NINJ2: variants seen among roughly 807,000 people sequenced by gnomAD.
The protein encoded by NINJ2 is ninjurin 2.
NINJ2 carries 12 observed loss-of-function variants against 11.7 expected under a neutral mutation model. The ratio of observed to expected loss-of-function variants is 1.02; its 90% CI spans 0.66 to 1.66. The LOEUF (loss-of-function observed/expected upper bound fraction) is 1.66, where lower values mean the gene tolerates loss of function less well. NINJ2 is among the 40% of genes most tolerant of loss of function. NINJ2 has a pLI of 0.00. For missense variants in NINJ2, 187 were observed against 181.8 expected (o/e 1.03, Z -0.16); for synonymous variants, 93 against 76.8 (o/e 1.21, Z -1.10).
chr12:579,326 A>G (rs1243717722), intron 1 of NINJ2, among the ~76,000 whole-genome samples: 2 of 151,934 alleles, frequency 1.3e-5, no homozygotes, highest in African/African-American at 4.8e-5. Flanking sequence ...ACTGAGTTCA[A>G]TGCAACAAAC....
At chr12:656,548 A>G (rs1592120491) in intron 1 of NINJ2, among the ~76,000 whole-genome samples, 2 of 151,994 alleles carry the variant, frequency 1.3e-5, no homozygotes, top group Admixed American at 1.3e-4. Flanking sequence ...CAGGAGTTCG[A>G]GACCAGCCTG....
At chr12:599,590 G>A (rs921635949) in intron 1 of NINJ2, among the ~76,000 whole-genome samples, 6 of 152,142 alleles carry the variant, frequency 3.9e-5, no homozygotes, top group Admixed American at 2.6e-4. Context: ...CCCATTTACT[G>A]GTGAGAAAAC....
At chr12:611,811 C>A (rs1348741611) in intron 1 of NINJ2, among the ~76,000 whole-genome samples, 3 of 152,220 alleles carry the variant, frequency 2.0e-5, no homozygotes, top group Non-Finnish European at 4.4e-5. Flanking sequence ...AGAAAAACTT[C>A]CATGAGTTTC....
At chr12:617,247 C>A (rs1161249056) in intron 1 of NINJ2, among the ~76,000 whole-genome samples, 1 of 152,098 alleles carries the variant, frequency 6.6e-6, no homozygotes, top group Non-Finnish European at 1.5e-5. Flanking sequence ...GCCCTAGGTC[C>A]CTAATCTAAG....
At position 617,022 on chromosome 12, in the gene NINJ2, A is replaced by G. The variant is rs145325626; in HGVS notation, c.33+46306T>C. On this transcript the variant is annotated intron_variant, in intron 1 of 3. Transcript: ENST00000305108. ...AGAGTTCAAGACCAGCCTGGCCAAC[A>G]TGGTGAAACCCCGTCTCTACTAAAA... Among the ~76,000 whole-genome samples the G allele has an allele frequency of 9.2e-5, 14 of 152,316 alleles. No individual in the cohort carries two copies. In the East Asian group the frequency reaches 2.7e-3, roughly 29 times the overall value.
rs555472660 is a variant in NINJ2 at position 595,172 on chromosome 12, C to G, written c.34-28994G>C. ...AAAAGAATCTAGACACAGACCTACA[C>G]GCTTCGCAAAAGTTAACTCAAAATG... On this transcript the variant is annotated intron_variant, in intron 1 of 3. Coordinates refer to ENST00000305108, the MANE Select transcript of NINJ2 (RefSeq NM_016533.6). Among the ~76,000 whole-genome samples, 134 of 151,966 alleles carry G rather than the reference C, an allele frequency of 8.8e-4. 2 individuals carry two copies. Among genetic ancestry groups the G allele is most frequent in the Middle Eastern group, 6.8e-3 (2 of 294 alleles).
At chr12:604,021 C>T (rs779112391) in intron 1 of NINJ2, among the ~76,000 whole-genome samples, 9 of 152,298 alleles carry the variant, frequency 5.9e-5, no homozygotes, top group East Asian at 5.8e-4. Context: ...TCTGTCCTTA[C>T]GCCAGCATCA....
chr12:657,988 CTTTTTTT>C (rs1164230214), intron 1 of NINJ2, among the ~76,000 whole-genome samples: 2 of 54,398 alleles, frequency 3.7e-5, no homozygotes, highest in African/African-American at 7.4e-5. Context: ...CCTACACAGG[CTTTTTTT>C]TTTTTTTTTT....
intron 1 of NINJ2, among the ~76,000 whole-genome samples, chr12:612,268 G>A (rs1355912834): frequency 3.3e-5 from 5 of 152,168 alleles, no homozygotes; most frequent in Non-Finnish European, 5.9e-5. Context: ...ATTATTTGGC[G>A]TCTTGCGTCA....
chr12:631,605 G>A (rs4980954), intron 1 of NINJ2, among the ~76,000 whole-genome samples: 47,813 of 151,930 alleles, frequency 0.31, 7,599 homozygotes, highest in Non-Finnish European at 0.34. Flanking sequence ...CTCGTGATCC[G>A]CCTGCCTCGG....
chr12:601,317 C>T (rs544626016), intron 1 of NINJ2, among the ~76,000 whole-genome samples: 31 of 151,878 alleles, frequency 2.0e-4, no homozygotes, highest in East Asian at 5.8e-4. Flanking sequence ...GAGGCTGAGG[C>T]GGGCGGATCA....
chr12:573,758 G>A (rs757306936), intron 1 of NINJ2, among the ~76,000 whole-genome samples: 5 of 152,142 alleles, frequency 3.3e-5, no homozygotes, highest in Non-Finnish European at 7.4e-5. Flanking sequence ...ATCTGCAGTG[G>A]GGCTGTGTCC....
At position 609,770 on chromosome 12, in the gene NINJ2, C is replaced by CAAAAAAAAAAAAAAAA. The variant is rs1185755822; in HGVS notation, c.34-43608_34-43593dup. 2.9e-3 allele frequency among the ~76,000 whole-genome samples: 255 copies of CAAAAAAAAAAAAAAAA among 88,630 alleles called. 2 individuals are homozygous for CAAAAAAAAAAAAAAAA. Among genetic ancestry groups the CAAAAAAAAAAAAAAAA allele is most frequent in the Non-Finnish European group, 3.9e-3 (187 of 47,722 alleles). The allele number at this position is 88,630 out of a possible 152,430, so 58.1% of individuals were successfully genotyped here. A position where few individuals can be genotyped will look rare whatever the true frequency, so the allele number is the denominator to read the frequency against. ...TGGGCAACAGAGTGAGACTCTGCCT[C>CAAAAAAAAAAAAAAAA]AAAAAAAAAAAAAAAAATAGGGAAA... On this transcript the variant is annotated intron_variant, in intron 1 of 3. Coordinates refer to ENST00000305108, the MANE Select transcript of NINJ2 (RefSeq NM_016533.6).
At chr12:605,497 C>G (rs1318781726) in intron 1 of NINJ2, among the ~76,000 whole-genome samples, 2 of 152,336 alleles carry the variant, frequency 1.3e-5, no homozygotes, top group South Asian at 2.1e-4. Flanking sequence ...GAGTTCGAAG[C>G]TGCAGTGAGC....
intron 1 of NINJ2, among the ~76,000 whole-genome samples, chr12:647,459 A>G (rs539168440): frequency 0.027 from 2,938 of 109,364 alleles, 54 homozygotes; most frequent in African/African-American, 0.053. Flanking sequence ...GTGGTGCCCC[A>G]CACTGAAACA....
At chr12:645,978 G>A (rs1384457459) in intron 1 of NINJ2, 1 of 152,170 alleles carries the variant, frequency 6.6e-6, no homozygotes, top group Non-Finnish European at 1.5e-5. Context: ...GACTTCTTAT[G>A]GGAGGAGGAA....
At position 585,553 on chromosome 12, in the gene NINJ2, C is replaced by CGGTTGGAGGGAAGGGAAGGGAAT. The variant is rs1947625243; in HGVS notation, c.34-19376_34-19375insATTCCCTTCCCTTCCCTCCAACC. Reference sequence around the variant, plus strand: ...AACGGTTGGAGGGAAGGGAAGGGAACGGTTGGAGGGAAGGGAGGCTGAGCA... The same window carrying CGGTTGGAGGGAAGGGAAGGGAAT: ...AACGGTTGGAGGGAAGGGAAGGGAACGGTTGGAGGGAAGGGAAGGGAATGGTTGGAGGGAAGGGAGGCTGAGCA... On this transcript the variant is annotated intron_variant, in intron 1 of 3. Coordinates refer to ENST00000305108, the MANE Select transcript of NINJ2 (RefSeq NM_016533.6). The surrounding 1 kb of genome is among the most constrained non-coding windows in gnomAD (Gnocchi z 4.1). 9.6e-5 allele frequency among the ~76,000 whole-genome samples: 5 copies of CGGTTGGAGGGAAGGGAAGGGAAT among 52,080 alleles called. No individual in the cohort carries two copies. The highest frequency in any genetic ancestry group is 4.3e-4 in the African/African-American group (5 of 11,740). The allele number at this position is 52,080 out of a possible 152,430, so 34.2% of individuals were successfully genotyped here. A position where few individuals can be genotyped will look rare whatever the true frequency, so the allele number is the denominator to read the frequency against.
At chr12:595,731 C>A (rs1947776454) in intron 1 of NINJ2, among the ~76,000 whole-genome samples, 1 of 151,486 alleles carries the variant, frequency 6.6e-6, no homozygotes, top group Admixed American at 6.6e-5. Flanking sequence ...CCAGCCTGGG[C>A]AACAAGAGTT....
intron 1 of NINJ2, among the ~76,000 whole-genome samples, chr12:653,420 CAT>C (rs1426570905): frequency 3.3e-5 from 5 of 151,980 alleles, no homozygotes; most frequent in Admixed American, 2.0e-4. Flanking sequence ...GATGTATACA[CAT>C]ATATATGTAT....
Sources: allele counts gnomAD v4.1 joint callset (sites outside exome capture counted in the v4.1 genomes callset), GRCh38; gene constraint gnomAD v4.1.1; non-coding constraint Gnocchi (gnomAD v3.1); transcripts MANE v1.5; gene names NCBI Gene and HGNC (gene_info 2026-07-23, HGNC 2026-07-21).